The following CAMK4 variants were observed in gnomAD, a reference collection of about 807,000 sequenced individuals.
CAMK4 encodes the protein calcium/calmodulin-dependent protein kinase type IV.
In CAMK4, 22 loss-of-function variants were observed where a neutral mutation model predicts 44.9. The observed-to-expected ratio is 0.49, with a 90% CI of 0.35 to 0.70. The LOEUF (loss-of-function observed/expected upper bound fraction) is 0.70, where lower values mean the gene tolerates loss of function less well. Ranked by LOEUF, CAMK4 falls within the 30% of genes least tolerant of loss-of-function variation. The pLI is 0.01. For synonymous variants in CAMK4, 218 were observed against 215.4 expected (o/e 1.01, Z -0.11); for missense variants, 498 against 586.8 (o/e 0.85, Z 1.56).
At chr5:111,432,662 G>GTGTATATA (rs1245494210) in intron 5 of CAMK4, among the ~76,000 whole-genome samples, 14 of 142,962 alleles carry the variant, frequency 9.8e-5, no homozygotes, top group African/African-American at 3.3e-4. Flanking sequence ...ATATGTGTGT[G>GTGTATATA]TATATATATA....
At chr5:111,460,431 C>T (rs960704189) in intron 7 of CAMK4, among the ~76,000 whole-genome samples, 9 of 151,640 alleles carry the variant, frequency 5.9e-5, no homozygotes, top group African/African-American at 1.9e-4. Context: ...ACTGCCACAC[C>T]GGGCTAATTT....
chr5:111,293,807 C>T (rs962890851), intron 1 of CAMK4, among the ~76,000 whole-genome samples: 7 of 136,084 alleles, frequency 5.1e-5, no homozygotes, highest in Admixed American at 8.0e-5. Flanking sequence ...AGTGCATTGG[C>T]ACGATCTCGG....
In CAMK4 at chr5:111,362,785, G is replaced by C. The variant is rs1372145; in HGVS notation, c.241-12065G>C. Among the ~76,000 whole-genome samples the C allele has an allele frequency of 5.4e-3, 814 of 152,104 alleles. 8 individuals are homozygous for C. Among genetic ancestry groups the C allele is most frequent in the African/African-American group, 0.019 (789 of 41,520 alleles). On this transcript the variant is annotated intron_variant, in intron 2 of 10. Transcript: ENST00000282356. ...AATATGAGGAGTAAAGACCCAGCCA[G>C]GCTCTGTGCCCATGGAGGGCACAGA... is the stretch of plus-strand genomic sequence containing the variant.
chr5:111,321,745 A>G (rs994828884), intron 1 of CAMK4, among the ~76,000 whole-genome samples: 4 of 152,182 alleles, frequency 2.6e-5, no homozygotes, highest in African/African-American at 9.6e-5. Flanking sequence ...ATTATATCTC[A>G]TGCCTCAAAA....
intron 1 of CAMK4, among the ~76,000 whole-genome samples, chr5:111,226,520 C>T (rs1431250475): frequency 1.3e-5 from 2 of 152,310 alleles, no homozygotes; most frequent in Admixed American, 6.5e-5. Context: ...TGCTAACAAA[C>T]GTTGTAGCTT....
chr5:111,450,365 T>C (rs1754185010), intron 7 of CAMK4, among the ~76,000 whole-genome samples: 1 of 151,686 alleles, frequency 6.6e-6, no homozygotes, highest in African/African-American at 2.4e-5. Context: ...TTTACACAAA[T>C]GTCCTTTATT....
At chr5:111,283,296 A>C (rs1177301350) in intron 1 of CAMK4, among the ~76,000 whole-genome samples, 1 of 152,138 alleles carries the variant, frequency 6.6e-6, no homozygotes, top group Non-Finnish European at 1.5e-5. Flanking sequence ...TAAGTCATTT[A>C]TTTATGACTG....
chr5:111,231,350 T>C (rs1748466282), intron 1 of CAMK4, among the ~76,000 whole-genome samples: 1 of 152,168 alleles, frequency 6.6e-6, no homozygotes. Context: ...GCCCAGGAAA[T>C]TCCTTGTTGT....
intron 1 of CAMK4, among the ~76,000 whole-genome samples, chr5:111,283,860 G>A (rs1346188644): frequency 1.3e-5 from 2 of 152,164 alleles, no homozygotes; most frequent in African/African-American, 2.4e-5. Context: ...GTTTAAAATA[G>A]TAACATATTT....
chr5:111,319,028 T>C (rs1748550395), intron 1 of CAMK4, among the ~76,000 whole-genome samples: 1 of 152,162 alleles, frequency 6.6e-6, no homozygotes, highest in Non-Finnish European at 1.5e-5. Context: ...TAAGGAGTTA[T>C]TCATTCAATT....
intron 1 of CAMK4, among the ~76,000 whole-genome samples, chr5:111,245,750 T>C (rs1461100318): frequency 6.6e-6 from 1 of 152,228 alleles, no homozygotes; most frequent in Non-Finnish European, 1.5e-5. Context: ...CTGCTGTGTG[T>C]GCCATAAAAT....
intron 1 of CAMK4, among the ~76,000 whole-genome samples, chr5:111,326,831 T>C (rs1443977319): frequency 2.0e-5 from 3 of 151,916 alleles, no homozygotes; most frequent in African/African-American, 7.2e-5. Context: ...ATTATCTACT[T>C]AATAAATTAT....
intron 8 of CAMK4, among the ~76,000 whole-genome samples, chr5:111,475,295 G>T (rs543499294): frequency 6.6e-6 from 1 of 152,176 alleles, no homozygotes; most frequent in South Asian, 2.1e-4. Context: ...AGGTACCAGT[G>T]TACCAACAAT....
At chr5:111,272,663 A>C (rs190522816) in intron 1 of CAMK4, among the ~76,000 whole-genome samples, 3 of 152,202 alleles carry the variant, frequency 2.0e-5, no homozygotes, top group Non-Finnish European at 2.9e-5. Flanking sequence ...AAATTATTCA[A>C]GTATTTCAAC....
intron 1 of CAMK4, among the ~76,000 whole-genome samples, chr5:111,334,209 C>T (rs1000662986): frequency 5.3e-5 from 8 of 151,540 alleles, no homozygotes; most frequent in Non-Finnish European, 8.9e-5. Context: ...CCAGATCTAA[C>T]GGCAACTTCT....
At chr5:111,350,410 T>G (rs1290803903) in intron 2 of CAMK4, among the ~76,000 whole-genome samples, 1 of 152,092 alleles carries the variant, frequency 6.6e-6, no homozygotes. Context: ...TACATTGGTT[T>G]TGGAGTACTT....
At chr5:111,354,912 A>G (rs1169178031) in intron 2 of CAMK4, among the ~76,000 whole-genome samples, 1 of 152,118 alleles carries the variant, frequency 6.6e-6, no homozygotes, top group Non-Finnish European at 1.5e-5. Flanking sequence ...CTTTGGAAAC[A>G]TGGAAAACTG....
intron 1 of CAMK4, among the ~76,000 whole-genome samples, chr5:111,278,166 T>C (rs1045706293): frequency 6.6e-6 from 1 of 152,254 alleles, no homozygotes; most frequent in African/African-American, 2.4e-5. Context: ...GTTTTCCTTT[T>C]GCTGCCCTCC....
intron 8 of CAMK4, among the ~76,000 whole-genome samples, chr5:111,478,080 T>C (rs956127628): frequency 5.3e-5 from 8 of 151,014 alleles, no homozygotes; most frequent in African/African-American, 1.9e-4. Flanking sequence ...ATTATTATTG[T>C]TCTTCTGTGT....
Sources: gnomAD v4.1 joint callset for allele counts (sites outside exome capture counted in the v4.1 genomes callset) on GRCh38, gnomAD v4.1.1 for gene constraint, MANE v1.5 for transcripts, NCBI Gene and HGNC (gene_info 2026-07-23, HGNC 2026-07-21) for gene names.